Variants in CCDC88C observed in about 807,000 individuals in gnomAD.
The protein encoded by CCDC88C is coiled-coil and HOOK domain protein 88C, also known as protein Daple.
In CCDC88C, 131 loss-of-function variants were observed where a neutral mutation model predicts 198.8. The observed-to-expected ratio is 0.66, with a 90% CI of 0.57 to 0.76. The LOEUF (loss-of-function observed/expected upper bound fraction) is 0.76, where lower values mean the gene tolerates loss of function less well. CCDC88C is among the 30% of genes least tolerant of loss of function. The pLI, the probability that CCDC88C is intolerant of heterozygous loss-of-function variation, is 0.00. For missense variants in CCDC88C, 2,553 were observed against 2,631.6 expected, an observed-to-expected ratio of 0.97 and a Z score of 0.65; for synonymous variants, 1,166 against 1,114.7, an observed-to-expected ratio of 1.05 and a Z score of -0.92.
At position 91,338,181 on chromosome 14, in the gene CCDC88C, G is replaced by A. The variant is rs1275795722; in HGVS notation, c.892-18C>T. The A allele has an allele frequency of 1.9e-6, 3 of 1,612,222 alleles. No individual in the cohort carries two copies. The highest frequency in any genetic ancestry group is 2.5e-6 in the Non-Finnish European group (3 of 1,178,856). On this transcript the variant is annotated intron_variant, in intron 9 of 29. Coordinates refer to ENST00000389857, the MANE Select transcript of CCDC88C (RefSeq NM_001080414.4). This position sits in a 1 kb window ranked among gnomAD's most constrained non-coding sequence, Gnocchi z 4.8. ...TGGATGTTCTGCAAGGTGGACAAAG[G>A]CAGGAGAACCTAGCTTAGGGCATCC...
chr14:91,285,765 G>C, intron 25 of CCDC88C: 1 of 1,289,122 alleles, frequency 7.8e-7, no homozygotes, highest in South Asian at 1.2e-5. Flanking sequence ...GAGAGAGCTG[G>C]GTGGGTCGTT....
rs747638687 is a variant in CCDC88C at position 91,314,001 on chromosome 14, C to T, written c.1815G>A (p.Lys605=). Residue 605 remains lysine, a synonymous_variant, in exon 15 of 30, where the codon AAG becomes AAA. Transcript: ENST00000389857. ...GCTTCTCAAACTCCAACTGGCTGAGCTTGCCATTGGCCTCCGTCACCGTCT... is the reference window on the plus strand; with the variant it reads ...GCTTCTCAAACTCCAACTGGCTGAGTTTGCCATTGGCCTCCGTCACCGTCT... ...LHQTVTEANG[K]LSQLEFEKRQ... is the part of the protein sequence containing the mutation. 12 of 1,613,814 alleles carry T rather than the reference C, an allele frequency of 7.4e-6. No individual in the cohort carries two copies. Among genetic ancestry groups the T allele is most frequent in the Admixed American group, 6.7e-5 (4 of 60,000 alleles).
intron 4 of CCDC88C, among the ~76,000 whole-genome samples, chr14:91,351,603 G>A (rs763122549): frequency 2.0e-4 from 31 of 152,148 alleles, no homozygotes; most frequent in Non-Finnish European, 2.6e-4. Context: ...AGCGGCCCCT[G>A]TGGAATCCTC....
chr14:91,330,136 C>G (rs1203602304), intron 10 of CCDC88C, among the ~76,000 whole-genome samples: 1 of 152,234 alleles, frequency 6.6e-6, no homozygotes, highest in East Asian at 1.9e-4. Context: ...ACCCTGTGTT[C>G]AAAGAGCTCC....
At chr14:91,351,578 G>A (rs775917639) in intron 4 of CCDC88C, among the ~76,000 whole-genome samples, 5 of 152,206 alleles carry the variant, frequency 3.3e-5, no homozygotes, top group Non-Finnish European at 7.3e-5. Context: ...CTACGCACGG[G>A]CTCACATTCT....
chr14:91,293,304 CGGCCCACCTTCCCATCCTCACCTGCCAA>C (rs1890771588), intron 23 of CCDC88C, among the ~76,000 whole-genome samples: 21 of 119,300 alleles, frequency 1.8e-4, no homozygotes, highest in South Asian at 6.2e-4. Context: ...TCACCTGCCA[CGGCCCACCTTCCCATCCTCACCTGCCAA>C]AGCTCACCTT....
At chr14:91,406,808 C>T (rs1040274597) in intron 3 of CCDC88C, among the ~76,000 whole-genome samples, 5 of 152,346 alleles carry the variant, frequency 3.3e-5, no homozygotes, top group Middle Eastern at 3.4e-3. Flanking sequence ...GCGAGGGAGA[C>T]GCCAGCAGAA....
Position 91,381,800 on chromosome 14 carries a change from G to C in CCDC88C, c.271-22089C>G, listed in dbSNP as rs1884808152. ...GGTGAGCCAAGATCGTGCCAGCCAG[G>C]GCAACGGAGCAAGACTCTGTCTCGA... On this transcript the variant is annotated intron_variant, in intron 3 of 29. Transcript: ENST00000389857. This position sits in a 1 kb window ranked among gnomAD's most constrained non-coding sequence, Gnocchi z 4.2. 6.6e-6 allele frequency among the ~76,000 whole-genome samples: 1 copy of C among 151,324 alleles called. No individual in the cohort carries two copies. The highest frequency in any genetic ancestry group is 2.4e-5 in the African/African-American group (1 of 41,132).
chr14:91,285,572 T>A, intron 25 of CCDC88C: 1 of 1,133,674 alleles, frequency 8.8e-7, no homozygotes, highest in Non-Finnish European at 1.1e-6. Flanking sequence ...GGGTCCGCTA[T>A]CGGCCATCTG....
chr14:91,384,523 C>T (rs1885008616), intron 3 of CCDC88C: 2 of 515,262 alleles, frequency 3.9e-6, no homozygotes, highest in Admixed American at 4.0e-5. Flanking sequence ...TGCTTCTTCA[C>T]CTTCTTCATC....
At position 91,272,902 on chromosome 14, in the gene CCDC88C, G is replaced by T; in HGVS notation, c.5810C>A (p.Ala1937Asp). The change falls in exon 30 of 30, where the codon GCC becomes GAC. Residue 1937 changes from alanine to aspartate, a missense_variant. Physicochemically the swap from Ala to Asp is moderately radical, Grantham distance 126. This residue lies in a region of CCDC88C where 1,293 missense variants were observed against 1,219.6 expected (regional missense o/e 1.06). Coordinates refer to ENST00000389857, the MANE Select transcript of CCDC88C (RefSeq NM_001080414.4). ...TGGGGGCGCCTTGGGCTTGGTCCTG[G>T]CAGCCGGGGCTGCAGCAGGTGAGAA... ...LHFSPAAAPA[A>D]RTKPKAPPRS... 1 of 1,581,904 alleles carries T rather than the reference G, an allele frequency of 6.3e-7. No individual in the cohort carries two copies.
chr14:91,308,991 C>T (rs938789215), intron 16 of CCDC88C, among the ~76,000 whole-genome samples: 1 of 152,174 alleles, frequency 6.6e-6, no homozygotes, highest in Non-Finnish European at 1.5e-5. Flanking sequence ...CTTTGGGATG[C>T]CAAGGCGGGA....
At chr14:91,384,273 CTTTTTT>C (rs3029466) in intron 3 of CCDC88C, 6 of 296,872 alleles carry the variant, frequency 2.0e-5, no homozygotes, top group East Asian at 1.0e-4. Flanking sequence ...CCCCATCTCT[CTTTTTT>C]TTTTTTTTTT....
chr14:91,314,193 A>G, intron 14 of CCDC88C, 43 bp from the exon 15 acceptor site: 1 of 1,504,062 alleles, frequency 6.6e-7, no homozygotes, highest in Non-Finnish European at 9.0e-7. Flanking sequence ...TGCTGCAGGA[A>G]CCTATTTCAG....
intron 20 of CCDC88C, among the ~76,000 whole-genome samples, chr14:91,301,650 G>A (rs947906125): frequency 2.6e-5 from 4 of 152,226 alleles, no homozygotes; most frequent in Non-Finnish European, 2.9e-5. Flanking sequence ...CCGGGAGGTG[G>A]AGGCTGCTGT....
rs187870333 is a variant in CCDC88C at position 91,342,242 on chromosome 14, T to A, written c.483+138A>T. ...CCAAATAGAATCAATGTGTCTGTGG[T>A]GTCTGAAACCTAAGATTAGCAAAAT... On this transcript the variant is annotated intron_variant, in intron 6 of 29. Transcript: ENST00000389857. The A allele has an allele frequency of 2.4e-3, 1,416 of 581,030 alleles. 11 individuals carry two copies. Among genetic ancestry groups the A allele is most frequent in the African/African-American group, 0.023 (1,266 of 54,096 alleles). 36.0% of individuals were successfully genotyped at this position (581,030 alleles called of 1,614,324 possible). A position where few individuals can be genotyped will look rare whatever the true frequency, so the allele number is the denominator to read the frequency against.
At chr14:91,276,790 A>G (rs1346037970) in intron 29 of CCDC88C, among the ~76,000 whole-genome samples, 1 of 152,236 alleles carries the variant, frequency 6.6e-6, no homozygotes, top group Non-Finnish European at 1.5e-5. Flanking sequence ...CTCACGTGAC[A>G]AAATTCAGAG....
chr14:91,398,902 T>C (rs960671845), intron 3 of CCDC88C, among the ~76,000 whole-genome samples: 1 of 152,162 alleles, frequency 6.6e-6, no homozygotes, highest in African/African-American at 2.4e-5. Flanking sequence ...CCCAGACGGC[T>C]GTTCCTGCTC....
intron 4 of CCDC88C, among the ~76,000 whole-genome samples, chr14:91,356,768 A>G (rs1026713669): frequency 6.6e-6 from 1 of 151,978 alleles, no homozygotes; most frequent in African/African-American, 2.4e-5. Flanking sequence ...ATGCGGACCT[A>G]TGTTCTCTGC....
Sources: allele counts gnomAD v4.1 joint callset (sites outside exome capture counted in the v4.1 genomes callset), GRCh38; gene constraint gnomAD v4.1.1; regional missense constraint gnomAD v4.1.1; non-coding constraint Gnocchi (gnomAD v3.1); transcripts MANE v1.5; gene names NCBI Gene and HGNC (gene_info 2026-07-23, HGNC 2026-07-21).